ALK: variants seen among roughly 807,000 people sequenced by gnomAD.
ALK encodes the protein ALK tyrosine kinase receptor.
Under a neutral mutation model 163.1 loss-of-function variants are expected in ALK, and 74 were observed. The observed-to-expected ratio is 0.45, with a 90% CI of 0.38 to 0.55. The LOEUF (loss-of-function observed/expected upper bound fraction) is 0.55, where lower values mean the gene tolerates loss of function less well. Among genes scored for constraint, ALK ranks in the 20% least tolerant of loss-of-function variants. ALK has a pLI of 0.00. For missense variants in ALK, 2,063 were observed against 2,105.3 expected (o/e 0.98, Z 0.39); for synonymous variants, 960 against 843.2 (o/e 1.14, Z -2.40).
intron 4 of ALK, among the ~76,000 whole-genome samples, chr2:29,394,168 A>G (rs1351083843): frequency 6.6e-6 from 1 of 152,086 alleles, no homozygotes; most frequent in Non-Finnish European, 1.5e-5. Flanking sequence ...ATATATAAGG[A>G]TCTAAGTTGA....
At chr2:29,271,003 G>A (rs769206765) in intron 11 of ALK, among the ~76,000 whole-genome samples, 8 of 152,158 alleles carry the variant, frequency 5.3e-5, no homozygotes, top group Non-Finnish European at 7.3e-5. Flanking sequence ...AGGATTTTTC[G>A]GAACTGGATT....
chr2:29,859,717 C>G (rs1468215796), intron 1 of ALK, among the ~76,000 whole-genome samples: 16 of 152,040 alleles, frequency 1.1e-4, no homozygotes, highest in Admixed American at 9.2e-4. Context: ...CCTGCGTGAA[C>G]AGGAAACCCA....
intron 1 of ALK, among the ~76,000 whole-genome samples, chr2:29,825,528 A>G (rs1360530110): frequency 6.6e-6 from 1 of 152,210 alleles, no homozygotes; most frequent in Non-Finnish European, 1.5e-5. Context: ...GGGCTAGGCC[A>G]TAGCATGCAA....
rs115629256 is a variant in ALK, at chr2:29,745,455, C to T, written c.668-27758G>A. On this transcript the variant is annotated intron_variant, in intron 1 of 28. Coordinates refer to ENST00000389048, the MANE Select transcript of ALK (RefSeq NM_004304.5). ...CCTCCACCATATATAATAAAATGAG[C>T]AAAACCTTCCCTCCCAGTTGCTGGC... 3.6e-3 allele frequency among the ~76,000 whole-genome samples: 550 copies of T among 152,292 alleles called. 2 individuals carry two copies. Among genetic ancestry groups the T allele is most frequent in the African/African-American group, 0.013 (527 of 41,564 alleles).
chr2:29,572,072 C>T (rs1337855813), intron 3 of ALK, among the ~76,000 whole-genome samples: 3 of 152,136 alleles, frequency 2.0e-5, no homozygotes, highest in Admixed American at 2.0e-4. Flanking sequence ...TCCCTGGAGG[C>T]AACGCTTAAC....
intron 12 of ALK, among the ~76,000 whole-genome samples, chr2:29,249,299 T>C (rs1558637609): frequency 6.6e-6 from 1 of 152,202 alleles, no homozygotes; most frequent in Non-Finnish European, 1.5e-5. Flanking sequence ...GGGGGCTTAC[T>C]GTTGGGTTTC....
chr2:29,474,334 A>G lies in ALK; in HGVS notation c.1154+57581T>C, dbSNP rs192454369. The stretch of plus-strand genomic sequence containing the variant: ...TAATGATCTTTAAGGGACTGTAATG[A>G]CTGGGAGGGGGCATAAGATGGCTTC... On this transcript the variant is annotated intron_variant, in intron 4 of 28. Coordinates refer to ENST00000389048, the MANE Select transcript of ALK (RefSeq NM_004304.5). 4.5e-4 allele frequency among the ~76,000 whole-genome samples: 68 copies of G among 152,334 alleles called. 1 individual carries two copies. The highest frequency in any genetic ancestry group is 6.8e-3 in the Middle Eastern group (2 of 294).
chr2:29,237,723 G>A (rs1276198509), intron 13 of ALK, among the ~76,000 whole-genome samples: 1 of 152,180 alleles, frequency 6.6e-6, no homozygotes, highest in African/African-American at 2.4e-5. Context: ...TATTTGCCTT[G>A]CAGGGGATGG....
intron 9 of ALK, among the ~76,000 whole-genome samples, chr2:29,289,356 GT>G (rs70958255): frequency 0.032 from 4,892 of 152,274 alleles, 113 homozygotes; most frequent in South Asian, 0.097. Context: ...CACTTGAAGT[GT>G]TTTGAACCCC....
At chr2:29,791,175 G>A (rs1664177433) in intron 1 of ALK, among the ~76,000 whole-genome samples, 1 of 152,084 alleles carries the variant, frequency 6.6e-6, no homozygotes, top group Non-Finnish European at 1.5e-5. Context: ...TTCCACACAT[G>A]CACACATATG....
At chr2:29,417,888 C>T (rs1669918791) in intron 4 of ALK, among the ~76,000 whole-genome samples, 2 of 152,126 alleles carry the variant, frequency 1.3e-5, no homozygotes, top group Admixed American at 6.5e-5. Flanking sequence ...AACGCATTTA[C>T]CCTAGTGGCT....
At chr2:29,478,514 T>C (rs184770008) in intron 4 of ALK, among the ~76,000 whole-genome samples, 125 of 152,324 alleles carry the variant, frequency 8.2e-4, no homozygotes, top group African/African-American at 2.9e-3. Flanking sequence ...GACTCCTCCT[T>C]CTTTCCATGA....
intron 3 of ALK, among the ~76,000 whole-genome samples, chr2:29,607,768 C>A (rs553060143): frequency 3.9e-5 from 6 of 152,086 alleles, no homozygotes; most frequent in African/African-American, 1.2e-4. Flanking sequence ...TGCCTCAAAG[C>A]CTTCTTGGAA....
At chr2:29,253,183 AC>A (rs1349617496) in intron 11 of ALK, among the ~76,000 whole-genome samples, 2 of 152,110 alleles carry the variant, frequency 1.3e-5, no homozygotes, top group Non-Finnish European at 2.9e-5. Flanking sequence ...AAGAGGGCAA[AC>A]CTGCTAATTC....
chr2:29,264,698 G>C (rs183202863), intron 11 of ALK, among the ~76,000 whole-genome samples: 1 of 152,244 alleles, frequency 6.6e-6, no homozygotes, highest in African/African-American at 2.4e-5. Flanking sequence ...AAACCCACCT[G>C]AGTGGTCAGA....
At chr2:29,467,089 T>C (rs1238423016) in intron 4 of ALK, among the ~76,000 whole-genome samples, 1 of 152,168 alleles carries the variant, frequency 6.6e-6, no homozygotes, top group Non-Finnish European at 1.5e-5. Context: ...CATACAATAG[T>C]TGATACAGCT....
At chr2:29,347,355 G>A in intron 5 of ALK, among the ~76,000 whole-genome samples, 1 of 151,990 alleles carries the variant, frequency 6.6e-6, no homozygotes, top group Admixed American at 6.5e-5. Flanking sequence ...TGGGCTGATG[G>A]AGGAGGTGAA....
chr2:29,224,803 CA>C, intron 19 of ALK: 1 of 217,510 alleles, frequency 4.6e-6, no homozygotes, highest in Non-Finnish European at 9.2e-6. Flanking sequence ...TGTGTGCTGC[CA>C]TCTCCCTTCT....
intron 4 of ALK, among the ~76,000 whole-genome samples, chr2:29,528,182 T>C (rs1333733050): frequency 3.9e-5 from 6 of 152,144 alleles, no homozygotes; most frequent in Non-Finnish European, 7.4e-5. Flanking sequence ...GTTCTGGTCA[T>C]ACATAATAAA....
Sources: allele counts gnomAD v4.1 joint callset (sites outside exome capture counted in the v4.1 genomes callset), GRCh38; gene constraint gnomAD v4.1.1; transcripts MANE v1.5; gene names NCBI Gene and HGNC (gene_info 2026-07-23, HGNC 2026-07-21).